The following ANKRD31 variants were observed in gnomAD, a reference collection of about 807,000 sequenced individuals.
ANKRD31 encodes ankyrin repeat domain-containing protein 31.
Under a neutral mutation model 186.0 loss-of-function variants are expected in ANKRD31, and 147 were observed. The observed-to-expected ratio is 0.79, with a 90% CI of 0.69 to 0.91. The LOEUF (loss-of-function observed/expected upper bound fraction) is 0.91. ANKRD31 is among the 40% of genes least tolerant of loss of function. ANKRD31 has a pLI of 0.00. For missense variants in ANKRD31, 1,986 were observed against 2,148.8 expected (o/e 0.92, Z 1.50); for synonymous variants, 673 against 736.4 (o/e 0.91, Z 1.39).
At chr5:75,103,394 G>A (rs1421974558) in intron 22 of ANKRD31, among the ~76,000 whole-genome samples, 1 of 152,194 alleles carries the variant, frequency 6.6e-6, no homozygotes, top group Admixed American at 6.5e-5. Flanking sequence ...CTTTTACACT[G>A]TTGGTGGGAA....
chr5:75,077,500 G>A (rs77647612), intron 25 of ANKRD31, among the ~76,000 whole-genome samples: 1 of 145,128 alleles, frequency 6.9e-6, no homozygotes, highest in East Asian at 1.9e-4. Context: ...TCACTCTTTG[G>A]GGGGGGAATT....
At chr5:75,233,809 A>C (rs1227589903) in intron 1 of ANKRD31, among the ~76,000 whole-genome samples, 1 of 152,018 alleles carries the variant, frequency 6.6e-6, no homozygotes, top group African/African-American at 2.4e-5. Context: ...CCAGCTACTC[A>C]GCAGACCCAG....
At chr5:75,079,984 G>T (rs1479692781) in intron 25 of ANKRD31, among the ~76,000 whole-genome samples, 2 of 152,074 alleles carry the variant, frequency 1.3e-5, no homozygotes, top group African/African-American at 4.8e-5. Flanking sequence ...TGCACTCCCA[G>T]CTACTTAGGA....
chr5:75,119,552 A>G (rs978552243), intron 17 of ANKRD31, among the ~76,000 whole-genome samples: 4 of 152,220 alleles, frequency 2.6e-5, no homozygotes, highest in African/African-American at 4.8e-5. Flanking sequence ...TAGTGCTGCA[A>G]TTAACACACA....
intron 1 of ANKRD31, among the ~76,000 whole-genome samples, chr5:75,231,483 GT>G (rs1157059173): frequency 4.6e-5 from 7 of 152,202 alleles, no homozygotes; most frequent in Admixed American, 3.3e-4. Context: ...TCCAAATCTA[GT>G]AAGGGATACA....
At chr5:75,108,710 T>C (rs1490148529) in intron 20 of ANKRD31, among the ~76,000 whole-genome samples, 1 of 152,118 alleles carries the variant, frequency 6.6e-6, no homozygotes, top group East Asian at 1.9e-4. Flanking sequence ...CAGAGCAGTT[T>C]CTATTGCCCT....
At position 75,104,232 on chromosome 5, in the gene ANKRD31, G is replaced by A. The variant is rs1230908262; in HGVS notation, c.5327C>T (p.Thr1776Ile). 4 of 1,496,494 alleles carry A rather than the reference G, an allele frequency of 2.7e-6. No individual in the cohort carries two copies. The highest frequency in any genetic ancestry group is 1.8e-6 in the Non-Finnish European group (2 of 1,127,278). 92.7% of individuals were successfully genotyped at this position (1,496,494 alleles called of 1,614,324 possible). A position where few individuals can be genotyped will look rare whatever the true frequency, so the allele number is the denominator to read the frequency against. ...AGAGAAAAAAATATAGAATACCTGT[G>A]TTTTGAATTCCAGAATGTTATTTCC... ...NPGNNILEFK[T>I]QETTHKASIL... The change falls in exon 22 of 26, where the codon ACA becomes ATA. Residue 1776 changes from threonine to isoleucine, a missense_variant. Thr to Ile is a moderately conservative substitution (Grantham distance 89). Transcript: ENST00000506364.
At chr5:75,231,627 T>C (rs1757955205) in intron 1 of ANKRD31, among the ~76,000 whole-genome samples, 2 of 152,100 alleles carry the variant, frequency 1.3e-5, no homozygotes, top group African/African-American at 2.4e-5. Context: ...GAAATACAAA[T>C]AGCCAACAAG....
intron 12 of ANKRD31, among the ~76,000 whole-genome samples, chr5:75,149,234 T>A (rs1751693536): frequency 6.6e-6 from 1 of 151,878 alleles, no homozygotes; most frequent in African/African-American, 2.4e-5. Context: ...TATATGCATT[T>A]GGCTACAAAA....
intron 11 of ANKRD31, 92 bp from the exon 12 acceptor site, chr5:75,154,437 T>C (rs892926497): frequency 6.4e-6 from 7 of 1,095,198 alleles, no homozygotes; most frequent in Non-Finnish European, 7.1e-6. Context: ...ACATCAAATA[T>C]CTCTTTTGAA....
chr5:75,148,702 C>A (rs1031691382), intron 12 of ANKRD31, 74 bp from the exon 13 acceptor site: 3 of 1,142,530 alleles, frequency 2.6e-6, no homozygotes, highest in South Asian at 1.6e-5. Flanking sequence ...ACCCACCAGT[C>A]CTTTGCCACG....
chr5:75,150,760 T>C (rs991566329), intron 12 of ANKRD31, among the ~76,000 whole-genome samples: 1 of 152,052 alleles, frequency 6.6e-6, no homozygotes, highest in African/African-American at 2.4e-5. Context: ...ATGTTGTAAT[T>C]ATTTAAAATA....
intron 24 of ANKRD31, among the ~76,000 whole-genome samples, chr5:75,081,169 G>A (rs1221438770): frequency 6.6e-6 from 1 of 152,238 alleles, no homozygotes; most frequent in African/African-American, 2.4e-5. Context: ...CAGAATGCCA[G>A]CAGGGCTCTG....
chr5:75,206,710 C>T (rs965088650), intron 4 of ANKRD31, among the ~76,000 whole-genome samples: 1 of 151,912 alleles, frequency 6.6e-6, no homozygotes, highest in Non-Finnish European at 1.5e-5. Context: ...TAATAAATGA[C>T]CTGAGGAGTG....
intron 3 of ANKRD31, among the ~76,000 whole-genome samples, chr5:75,220,310 C>T (rs1393175916): frequency 6.6e-6 from 1 of 152,102 alleles, no homozygotes; most frequent in African/African-American, 2.4e-5. Flanking sequence ...CTACAAGGAA[C>T]TTACAAAAAT....
At chr5:75,167,798 A>C (rs1753031762) in intron 11 of ANKRD31, among the ~76,000 whole-genome samples, 1 of 152,220 alleles carries the variant, frequency 6.6e-6, no homozygotes, top group South Asian at 2.1e-4. Flanking sequence ...GAAAAGAAGA[A>C]AAATTAAAAT....
chr5:75,157,367 C>T (rs1423104909), intron 11 of ANKRD31, among the ~76,000 whole-genome samples: 2 of 152,108 alleles, frequency 1.3e-5, no homozygotes, highest in Non-Finnish European at 2.9e-5. Context: ...CCAAGTTAAG[C>T]ACTGAGAGTG....
At chr5:75,082,953 G>A (rs926259991) in intron 24 of ANKRD31, among the ~76,000 whole-genome samples, 2 of 152,176 alleles carry the variant, frequency 1.3e-5, no homozygotes, top group African/African-American at 4.8e-5. Context: ...CAGATTCGCT[G>A]TGCTTCCTAC....
chr5:75,116,567 A>G lies in ANKRD31; in HGVS notation c.4154T>C (p.Val1385Ala), dbSNP rs1323462534. 1.0e-5 allele frequency: 14 copies of G among 1,402,286 alleles called. No individual in the cohort carries two copies. Among genetic ancestry groups the G allele is most frequent in the Non-Finnish European group, 1.1e-5 (12 of 1,072,958 alleles). 86.9% of individuals were successfully genotyped at this position (1,402,286 alleles called of 1,614,324 possible). A position where few individuals can be genotyped will look rare whatever the true frequency, so the allele number is the denominator to read the frequency against. Residue 1385 changes from valine to alanine, a missense_variant and splice_region_variant, in exon 19 of 26, where the codon GTG (valine) becomes GCG (alanine). Physicochemically the swap from Val to Ala is moderately conservative, Grantham distance 64. Coordinates refer to ENST00000506364, the MANE Select transcript of ANKRD31 (RefSeq NM_001372053.1). ...CAAAGTAATTTTAACTTCACTCACC[A>G]CAGAAAGGCTTTCTCTTGATCTTTC... ...HQERSRESLS[V>A]HQTLSAILQD...
Sources: allele counts gnomAD v4.1 joint callset (sites outside exome capture counted in the v4.1 genomes callset), GRCh38; gene constraint gnomAD v4.1.1; transcripts MANE v1.5; gene names NCBI Gene and HGNC (gene_info 2026-07-23, HGNC 2026-07-21).